The following GLRA2 variants were observed in gnomAD, a reference collection of about 807,000 sequenced individuals.
GLRA2 encodes glycine receptor subunit alpha-2.
GLRA2 carries 11 observed loss-of-function variants against 31.6 expected under a neutral mutation model. The ratio of observed to expected loss-of-function variants is 0.35; its 90% CI spans 0.22 to 0.58. The LOEUF is 0.58. Among genes scored for constraint, GLRA2 ranks in the 20% least tolerant of loss-of-function variants. The probability of loss-of-function intolerance (pLI) is 0.84; values close to 1 mark genes in which losing one functional copy is unlikely to be tolerated. For synonymous variants in GLRA2, 132 were observed against 134.0 expected (o/e 0.99, Z 0.10); for missense variants, 212 against 351.8 (o/e 0.60, Z 3.18).
chrX:14,645,963 C>T (rs1880711214), intron 7 of GLRA2, among the ~76,000 whole-genome samples: 1 of 111,643 alleles, frequency 9.0e-6, no homozygotes, highest in African/African-American at 3.3e-5. Context: ...AAAGCACTTC[C>T]TCTGAAAAAA....
chrX:14,545,925 T>C (rs373761814), intron 2 of GLRA2, among the ~76,000 whole-genome samples: 1 of 111,668 alleles, frequency 9.0e-6, no homozygotes, highest in African/African-American at 3.2e-5. Context: ...TAAGACATCA[T>C]CCCTGTTTGA....
At chrX:14,493,568 TACATATATACATATATAC>T in the GLRA2 span, among the ~76,000 whole-genome samples, 14 of 104,122 alleles carry the variant, frequency 1.3e-4, no homozygotes, top group East Asian at 1.2e-3. Flanking sequence ...TACACATATA[TACATATATACATATATAC>T]ACATATATAC....
At chrX:14,702,865 C>T (rs2091564714) in intron 8 of GLRA2, among the ~76,000 whole-genome samples, 1 of 111,428 alleles carries the variant, frequency 9.0e-6, no homozygotes, top group African/African-American at 3.3e-5. Context: ...TGAAATGATC[C>T]AGAGGCTTAG....
chrX:14,507,257 G>C, the GLRA2 span, among the ~76,000 whole-genome samples: 1 of 112,161 alleles, frequency 8.9e-6, no homozygotes, highest in Admixed American at 9.5e-5. Flanking sequence ...GTAATGAATA[G>C]ATTTAAGTTA....
chrX:14,461,420 G>A, the GLRA2 span, among the ~76,000 whole-genome samples: 6 of 111,437 alleles, frequency 5.4e-5, no homozygotes, highest in Non-Finnish European at 9.4e-5. Context: ...TTTCTGTCTC[G>A]TTGATCTGTC....
intron 8 of GLRA2, among the ~76,000 whole-genome samples, chrX:14,697,201 T>C (rs2091461238): frequency 8.9e-6 from 1 of 112,221 alleles, no homozygotes; most frequent in Non-Finnish European, 1.9e-5. Context: ...ACTACAACTG[T>C]GTGAGTAATG....
At chrX:14,604,013 G>C (rs2090304642) in intron 4 of GLRA2, among the ~76,000 whole-genome samples, 1 of 111,191 alleles carries the variant, frequency 9.0e-6, no homozygotes. Context: ...TATCTCAGTG[G>C]TCTTGTTTAT....
intron 2 of GLRA2, among the ~76,000 whole-genome samples, chrX:14,568,832 G>A (rs2089845548): frequency 8.9e-6 from 1 of 111,798 alleles, no homozygotes; most frequent in Non-Finnish European, 1.9e-5. Context: ...CTAAATGTAA[G>A]CGTTAAAACC....
intron 2 of GLRA2, among the ~76,000 whole-genome samples, chrX:14,540,369 T>C (rs2089384756): frequency 9.0e-6 from 1 of 111,183 alleles, no homozygotes; most frequent in African/African-American, 3.3e-5. Flanking sequence ...TGTAGTCAAT[T>C]TGTGCTATCC....
At chrX:14,613,771 C>T (rs2090426874) in intron 7 of GLRA2, among the ~76,000 whole-genome samples, 1 of 110,689 alleles carries the variant, frequency 9.0e-6, no homozygotes, top group African/African-American at 3.3e-5. Context: ...GGTTCAGTTC[C>T]AGAGGGTCTG....
At chrX:14,667,804 ATT>A (rs2091050360) in intron 7 of GLRA2, among the ~76,000 whole-genome samples, 1 of 111,618 alleles carries the variant, frequency 9.0e-6, no homozygotes, top group African/African-American at 3.3e-5. Context: ...ATCTATCTAT[ATT>A]TCTTTCTCTC....
At position 14,581,323 on chromosome X, in the gene GLRA2, G is replaced by A. The variant is rs2090013462; in HGVS notation, c.411G>A (p.Glu137=). Residue 137 remains glutamate, a synonymous_variant, in exon 4 of 9, where the codon GAG becomes GAA. Coordinates refer to ENST00000218075, the MANE Select transcript of GLRA2 (RefSeq NM_002063.4). ...AACCAGATTTGTTCTTTGCCAATGA[G>A]AAGGGTGCCAACTTCCACGATGTCA... is the stretch of plus-strand genomic sequence containing the variant. The part of the protein sequence containing the change: ...IWKPDLFFAN[E]KGANFHDVTT... 2 of 1,203,822 alleles carry A rather than the reference G, an allele frequency of 1.7e-6. No homozygotes were observed. The highest frequency in any genetic ancestry group is 2.2e-6 in the Non-Finnish European group (2 of 889,710).
At chrX:14,534,434 G>T (rs1371461849) in intron 2 of GLRA2, among the ~76,000 whole-genome samples, 1 of 109,935 alleles carries the variant, frequency 9.1e-6, no homozygotes, top group Non-Finnish European at 1.9e-5. Flanking sequence ...TCAATTATCT[G>T]ACATCTCCCA....
chrX:14,630,803 CT>C (rs34851916), intron 7 of GLRA2, among the ~76,000 whole-genome samples: 13,340 of 89,898 alleles, frequency 0.15, 1,727 homozygotes, highest in African/African-American at 0.4. Flanking sequence ...TTGGTCTCTG[CT>C]TTTTTTTTTT....
At chrX:14,473,167 G>A in the GLRA2 span, among the ~76,000 whole-genome samples, 4 of 111,831 alleles carry the variant, frequency 3.6e-5, no homozygotes, top group East Asian at 5.6e-4. Context: ...ACAATTGGAA[G>A]ACTTTTTTTC....
intron 3 of GLRA2, among the ~76,000 whole-genome samples, chrX:14,576,255 A>G (rs2089957024): frequency 9.0e-6 from 1 of 111,509 alleles, no homozygotes; most frequent in Non-Finnish European, 1.9e-5. Flanking sequence ...TATTATTCTG[A>G]AACATTATTA....
At chrX:14,609,944 A>G (rs1328449868) in intron 7 of GLRA2, among the ~76,000 whole-genome samples, 3 of 111,012 alleles carry the variant, frequency 2.7e-5, no homozygotes, top group Non-Finnish European at 3.8e-5. Context: ...CTATTTTTAT[A>G]AAAAGAAGGC....
chrX:14,723,036 A>T (rs1203590612), intron 8 of GLRA2, among the ~76,000 whole-genome samples: 1 of 112,305 alleles, frequency 8.9e-6, no homozygotes, highest in Non-Finnish European at 1.9e-5. Context: ...TTTGTCTTGC[A>T]AACAGTTTGG....
intron 7 of GLRA2, among the ~76,000 whole-genome samples, chrX:14,659,145 G>C (rs886839101): frequency 8.9e-6 from 1 of 112,193 alleles, no homozygotes; most frequent in Non-Finnish European, 1.9e-5. Context: ...AGTTTTATTG[G>C]AACATAGTCA....
Sources: allele counts gnomAD v4.1 joint callset (sites outside exome capture counted in the v4.1 genomes callset), GRCh38; gene constraint gnomAD v4.1.1; transcripts MANE v1.5; gene names NCBI Gene and HGNC (gene_info 2026-07-23, HGNC 2026-07-21).